The following PCDHA13 variants were observed in gnomAD, a reference collection of about 807,000 sequenced individuals.
The protein encoded by PCDHA13 is protocadherin alpha-13.
PCDHA13 carries 54 observed loss-of-function variants against 64.8 expected under a neutral mutation model. The observed-to-expected ratio is 0.83, with a 90% confidence interval of 0.67 to 1.04. The LOEUF (loss-of-function observed/expected upper bound fraction) is 1.04, where lower values mean the gene tolerates loss of function less well. PCDHA13 is among the 50% of genes least tolerant of loss of function. The pLI, the probability that PCDHA13 is intolerant of heterozygous loss-of-function variation, is 0.00. For synonymous variants in PCDHA13, 587 were observed against 564.4 expected, an observed-to-expected ratio of 1.04 and a Z score of -0.57; for missense variants, 1,248 against 1,254.3, an observed-to-expected ratio of 0.99 and a Z score of 0.08.
intron 1 of PCDHA13, among the ~76,000 whole-genome samples, chr5:140,971,478 A>C (rs111781444): frequency 3.5e-4 from 53 of 152,260 alleles, no homozygotes; most frequent in African/African-American, 1.3e-3. Flanking sequence ...AGAGAGTGTC[A>C]CATTGTTACA....
At chr5:140,985,981 C>T (rs966841419) in intron 3 of PCDHA13, among the ~76,000 whole-genome samples, 18 of 152,140 alleles carry the variant, frequency 1.2e-4, no homozygotes, top group Middle Eastern at 6.8e-3. Context: ...CCTCGTGATC[C>T]GCCCACCTCA....
chr5:140,967,794 T>G, intron 1 of PCDHA13: 1 of 1,614,178 alleles, frequency 6.2e-7, no homozygotes. Flanking sequence ...CGGGGTCCAG[T>G]GCCCATGGCA....
At chr5:140,944,839 G>C (rs1449491788) in intron 1 of PCDHA13, among the ~76,000 whole-genome samples, 3 of 152,130 alleles carry the variant, frequency 2.0e-5, no homozygotes, top group African/African-American at 7.2e-5. Flanking sequence ...TGTAAAATGA[G>C]ATATTAGAAT....
intron 1 of PCDHA13, among the ~76,000 whole-genome samples, chr5:140,919,193 T>C (rs1444043948): frequency 6.6e-6 from 1 of 152,262 alleles, no homozygotes; most frequent in African/African-American, 2.4e-5. Flanking sequence ...ATTGGTCCTT[T>C]TGTCATTATA....
Position 140,883,897 on chromosome 5 carries a change from G to A in PCDHA13, c.1629G>A (p.Pro543=). The change falls in exon 1 of 4, where the codon CCG becomes CCA. Residue 543 remains proline (P), a synonymous_variant. Coordinates refer to ENST00000289272, the MANE Select transcript of PCDHA13 (RefSeq NM_018904.3). ...TGAGCGCGCGCGACTCTGGCGTGCC[G>A]CCTCTGGGCAGCAACGTGACGCTGC... ...FQVSARDSGV[P]PLGSNVTLQV... 1 of 1,613,332 alleles carries A rather than the reference G, an allele frequency of 6.2e-7. No individual in the cohort carries two copies. The highest frequency in any genetic ancestry group is 8.5e-7 in the Non-Finnish European group (1 of 1,179,846).
intron 1 of PCDHA13, among the ~76,000 whole-genome samples, chr5:140,976,307 T>C (rs955106939): frequency 6.6e-6 from 1 of 152,100 alleles, no homozygotes; most frequent in African/African-American, 2.4e-5. Flanking sequence ...TCCCAGCACT[T>C]TGGGAGGCCG....
intron 1 of PCDHA13, chr5:140,968,346 C>T: frequency 6.2e-7 from 1 of 1,614,090 alleles, no homozygotes. Flanking sequence ...ATTAACAGTG[C>T]CAGTGGCAGC....
rs782325165 is a variant in PCDHA13, at chr5:140,883,507, G to A, written c.1239G>A (p.Leu413=). ...ACTCATTAGTGCTGGACAGCGCCCT[G>A]GACCGCGAGAGCGTATCAGCCTATG... ...NYYSLVLDSA[L]DRESVSAYEL... is the part of the protein sequence containing the mutation. The change falls in exon 1 of 4, where the codon CTG becomes CTA. Residue 413 remains leucine, a synonymous_variant. Coordinates refer to ENST00000289272, the MANE Select transcript of PCDHA13 (RefSeq NM_018904.3). 2 of 1,614,200 alleles carry A rather than the reference G, an allele frequency of 1.2e-6. No individual in the cohort carries two copies. The highest frequency in any genetic ancestry group is 1.7e-5 in the Admixed American group (1 of 60,032).
chr5:140,977,342 T>C (rs1554238451), intron 1 of PCDHA13, among the ~76,000 whole-genome samples: 3 of 152,222 alleles, frequency 2.0e-5, no homozygotes, highest in Non-Finnish European at 4.4e-5. Context: ...GAGACGGTGA[T>C]GATGACTGAT....
At chr5:140,966,678 C>G (rs2096036369) in intron 1 of PCDHA13, 8 of 1,313,236 alleles carry the variant, frequency 6.1e-6, no homozygotes, top group Non-Finnish European at 2.9e-6. Context: ...CAGGGTGGCA[C>G]GAGCGGAGGC....
intron 1 of PCDHA13, among the ~76,000 whole-genome samples, chr5:140,936,745 T>C (rs2091123001): frequency 6.6e-6 from 1 of 152,234 alleles, no homozygotes; most frequent in Non-Finnish European, 1.5e-5. Context: ...ACTTTTCATT[T>C]GTATTGATAT....
chr5:140,987,474 G>A (rs114440148), intron 3 of PCDHA13, among the ~76,000 whole-genome samples: 307 of 152,240 alleles, frequency 2.0e-3, no homozygotes, highest in African/African-American at 7.1e-3. Context: ...CTCAAGCTTG[G>A]GAGTCAGTGA....
chr5:140,897,415 A>G (rs2066090522), intron 1 of PCDHA13, among the ~76,000 whole-genome samples: 1 of 138,406 alleles, frequency 7.2e-6, no homozygotes, highest in South Asian at 2.3e-4. Context: ...TTCAATTCCC[A>G]TCTATGAGTG....
At chr5:140,964,954 G>A (rs140288048) in intron 1 of PCDHA13, among the ~76,000 whole-genome samples, 6 of 152,316 alleles carry the variant, frequency 3.9e-5, no homozygotes, top group Non-Finnish European at 7.4e-5. Flanking sequence ...AGTGTGCTTG[G>A]TTGGTGGAAC....
intron 1 of PCDHA13, chr5:140,927,088 T>C (rs1554204002): frequency 6.2e-7 from 1 of 1,612,662 alleles, no homozygotes; most frequent in Admixed American, 1.7e-5. Context: ...CGAGCTCTAC[T>C]TCGGGGTGGA....
chr5:140,923,461 A>G (rs530510417), intron 1 of PCDHA13, among the ~76,000 whole-genome samples: 97 of 152,204 alleles, frequency 6.4e-4, no homozygotes, highest in African/African-American at 2.2e-3. Context: ...CCAGAGAGGT[A>G]GGGGCTGCAG....
chr5:140,927,099 T>G lies in PCDHA13; in HGVS notation c.2394+42437T>G, dbSNP rs782352775. 10 of 1,613,434 alleles carry G rather than the reference T, an allele frequency of 6.2e-6. No homozygotes were observed. In the South Asian group the frequency reaches 7.7e-5, roughly 12 times the overall value. On this transcript the variant is annotated intron_variant, in intron 1 of 3. Coordinates refer to ENST00000289272, the MANE Select transcript of PCDHA13 (RefSeq NM_018904.3). The stretch of plus-strand genomic sequence containing the variant: ...ACCGCGAGCTCTACTTCGGGGTGGA[T>G]CTACCCAGCGGCAATTTGGTGGTCA...
At chr5:140,904,957 A>G (rs2071509370) in intron 1 of PCDHA13, among the ~76,000 whole-genome samples, 1 of 152,156 alleles carries the variant, frequency 6.6e-6, no homozygotes, top group African/African-American at 2.4e-5. Flanking sequence ...TGTCTGATGC[A>G]GAATTTGTGA....
intron 1 of PCDHA13, among the ~76,000 whole-genome samples, chr5:140,919,511 G>A (rs782614998): frequency 1.3e-5 from 2 of 151,848 alleles, no homozygotes; most frequent in Non-Finnish European, 2.9e-5. Flanking sequence ...TTTTCTATAT[G>A]TTTTAATTCT....
Sources: gnomAD v4.1 joint callset for allele counts (sites outside exome capture counted in the v4.1 genomes callset) on GRCh38, gnomAD v4.1.1 for gene constraint, MANE v1.5 for transcripts, NCBI Gene and HGNC (gene_info 2026-07-23, HGNC 2026-07-21) for gene names.